CMIP: variants seen among roughly 807,000 people sequenced by gnomAD.
CMIP encodes C-Maf-inducing protein.
Under a neutral mutation model 97.3 loss-of-function variants are expected in CMIP, and 13 were observed. The ratio of observed to expected loss-of-function variants is 0.13; its 90% confidence interval spans 0.09 to 0.21. The LOEUF (loss-of-function observed/expected upper bound fraction) is 0.21. Ranked by LOEUF, CMIP falls within the 10% of genes least tolerant of loss-of-function variation. The pLI is 1.00. For missense variants in CMIP, 847 were observed against 1,024.9 expected (o/e 0.83, Z 2.37); for synonymous variants, 538 against 436.3 (o/e 1.23, Z -2.91).
intron 3 of CMIP, among the ~76,000 whole-genome samples, chr16:81,626,821 T>C (rs202186654): frequency 9.7e-6 from 1 of 103,170 alleles, no homozygotes. Context: ...GTGTGTGGGG[T>C]GCATATGGGG....
chr16:81,673,931 A>G (rs903849755), intron 9 of CMIP, among the ~76,000 whole-genome samples: 10 of 152,214 alleles, frequency 6.6e-5, no homozygotes, highest in African/African-American at 2.4e-4. Flanking sequence ...GTCTTTTCTC[A>G]AAATGAAGGC....
intron 1 of CMIP, among the ~76,000 whole-genome samples, chr16:81,465,230 G>A (rs1455451600): frequency 6.6e-6 from 1 of 152,094 alleles, no homozygotes; most frequent in African/African-American, 2.4e-5. Context: ...ATTTTTGTAG[G>A]GTGTTCATTT....
At position 81,543,450 on chromosome 16, in the gene CMIP, G is replaced by T. The variant is rs546751871; in HGVS notation, c.301-64117G>T. Among the ~76,000 whole-genome samples the T allele has an allele frequency of 2.6e-4, 40 of 152,280 alleles. No homozygotes were observed. The East Asian group carries it at 7.1e-3, about 27-fold the overall frequency. Reference sequence around the variant, plus strand: ...CCACATTGAAGTTCAGGGCCGCCCAGGGCTCCCTGCTGCGTCCTGGGCCAG... The same window carrying T: ...CCACATTGAAGTTCAGGGCCGCCCATGGCTCCCTGCTGCGTCCTGGGCCAG... On this transcript the variant is annotated intron_variant, in intron 1 of 20. Coordinates refer to ENST00000537098, the MANE Select transcript of CMIP (RefSeq NM_198390.3).
chr16:81,552,691 A>G (rs1481711510), intron 1 of CMIP, among the ~76,000 whole-genome samples: 1 of 152,298 alleles, frequency 6.6e-6, no homozygotes, highest in Middle Eastern at 3.4e-3. Context: ...CTCTTCTGCC[A>G]TGTCAGATGG....
intron 2 of CMIP, chr16:81,618,564 G>T: frequency 6.6e-6 from 1 of 152,298 alleles, no homozygotes; most frequent in Non-Finnish European, 1.5e-5. Flanking sequence ...AATGGATGTG[G>T]ACCAGGCATG....
intron 1 of CMIP, among the ~76,000 whole-genome samples, chr16:81,472,931 G>A (rs1254781463): frequency 6.6e-6 from 1 of 152,226 alleles, no homozygotes; most frequent in Non-Finnish European, 1.5e-5. Context: ...CCCAGTGAGT[G>A]TGTGAGGGGC....
In CMIP at chr16:81,668,550, C is replaced by A. The variant is rs1447465989; in HGVS notation, c.826-1592C>A. Among the ~76,000 whole-genome samples the A allele has an allele frequency of 3.3e-5, 5 of 152,162 alleles. No individual in the cohort carries two copies. The East Asian group carries it at 9.6e-4, about 29-fold the overall frequency. On this transcript the variant is annotated intron_variant, in intron 7 of 20. Transcript: ENST00000537098. Reference sequence around the variant, plus strand: ...GCCACCACATATGGCCCTCAGCCGGCACAGGCAGTGTCCCTGTGTCCTTGA... The same window carrying A: ...GCCACCACATATGGCCCTCAGCCGGAACAGGCAGTGTCCCTGTGTCCTTGA...
chr16:81,527,837 G>A (rs761235538), intron 1 of CMIP, among the ~76,000 whole-genome samples: 1 of 152,200 alleles, frequency 6.6e-6, no homozygotes, highest in African/African-American at 2.4e-5. Flanking sequence ...CTGACGGTGG[G>A]CATTCACGTT....
At chr16:81,694,613 C>G (rs1000476986) in intron 13 of CMIP, among the ~76,000 whole-genome samples, 3 of 152,324 alleles carry the variant, frequency 2.0e-5, no homozygotes, top group Non-Finnish European at 4.4e-5. Context: ...TGTTCTCAAA[C>G]TATATTACCT....
At position 81,614,795 on chromosome 16, in the gene CMIP, CTGA is replaced by C. The variant is rs1460023884; in HGVS notation, c.427-6079_427-6077del. 1.4e-5 allele frequency among the ~76,000 whole-genome samples: 2 copies of C among 143,324 alleles called. No individual in the cohort carries two copies. The highest frequency in any genetic ancestry group is 4.5e-4 in the South Asian group (2 of 4,442). The allele number at this position is 143,324 out of a possible 152,430, so 94.0% of individuals were successfully genotyped here. On this transcript the variant is annotated intron_variant, in intron 2 of 20. Coordinates refer to ENST00000537098, the MANE Select transcript of CMIP (RefSeq NM_198390.3). This position sits in a 1 kb window ranked among gnomAD's most constrained non-coding sequence, Gnocchi z 5.3. ...GTGTGGTATGTGTGCATGTGTGTGC[CTGA>C]TATGTGTGTTTATATGTGGTATGTA...
chr16:81,593,706 T>C (rs2091501545), intron 1 of CMIP, among the ~76,000 whole-genome samples: 1 of 152,160 alleles, frequency 6.6e-6, no homozygotes, highest in Non-Finnish European at 1.5e-5. Context: ...CTGGCACAAA[T>C]GGATCCTCGC....
intron 1 of CMIP, among the ~76,000 whole-genome samples, chr16:81,559,278 G>A (rs2090830164): frequency 6.6e-6 from 1 of 152,166 alleles, no homozygotes; most frequent in Non-Finnish European, 1.5e-5. Context: ...CCAAGAGTGG[G>A]GTGAAGGTGA....
At chr16:81,475,852 T>TG (rs1053419591) in intron 1 of CMIP, among the ~76,000 whole-genome samples, 6 of 151,820 alleles carry the variant, frequency 4.0e-5, no homozygotes, top group East Asian at 1.9e-4. Flanking sequence ...CTGGGTGTGG[T>TG]GGGGGGCGCC....
intron 1 of CMIP, among the ~76,000 whole-genome samples, chr16:81,590,855 C>G (rs1446398331): frequency 6.6e-6 from 1 of 152,048 alleles, no homozygotes; most frequent in African/African-American, 2.4e-5. Flanking sequence ...ATCCATCCAT[C>G]CATCCATCCA....
chr16:81,498,977 G>A (rs1453583933), intron 1 of CMIP, among the ~76,000 whole-genome samples: 1 of 152,174 alleles, frequency 6.6e-6, no homozygotes, highest in Non-Finnish European at 1.5e-5. Context: ...AAGCATCTGA[G>A]TGCTTTACAA....
At chr16:81,653,794 G>A (rs187337850) in intron 4 of CMIP, among the ~76,000 whole-genome samples, 1 of 152,312 alleles carries the variant, frequency 6.6e-6, no homozygotes, top group African/African-American at 2.4e-5. Context: ...TGTATTTTTA[G>A]TAGAGACAAG....
At chr16:81,473,804 C>G in intron 1 of CMIP, among the ~76,000 whole-genome samples, 1 of 145,076 alleles carries the variant, frequency 6.9e-6, no homozygotes, top group East Asian at 2.0e-4. Context: ...ACTTGGCCCA[C>G]ACAGTGGTTT....
chr16:81,656,778 T>C (rs1043814936), intron 4 of CMIP, among the ~76,000 whole-genome samples: 2 of 152,104 alleles, frequency 1.3e-5, no homozygotes, highest in African/African-American at 2.4e-5. Flanking sequence ...GCGAGTACCA[T>C]GCCCAGATAA....
intron 1 of CMIP, among the ~76,000 whole-genome samples, chr16:81,581,216 C>A (rs1396663376): frequency 6.6e-6 from 1 of 152,106 alleles, no homozygotes; most frequent in Non-Finnish European, 1.5e-5. Context: ...TTTTGGCTGT[C>A]GTGAATAAGC....
Sources: gnomAD v4.1 joint callset for allele counts (sites outside exome capture counted in the v4.1 genomes callset) on GRCh38, gnomAD v4.1.1 for gene constraint, Gnocchi (gnomAD v3.1) non-coding constraint, MANE v1.5 for transcripts, NCBI Gene and HGNC (gene_info 2026-07-23, HGNC 2026-07-21) for gene names.